Variants in GRID2 observed in about 807,000 individuals in gnomAD.
The protein encoded by GRID2 is glutamate ionotropic receptor delta type subunit 2.
A neutral mutation model predicts 114.8 loss-of-function variants in GRID2; 33 were observed. The observed-to-expected ratio is 0.29, with a 90% CI of 0.22 to 0.38. The LOEUF is 0.38. GRID2 is among the 10% of genes least tolerant of loss of function. The pLI is 1.00. For synonymous variants in GRID2, 505 were observed against 449.9 expected, an observed-to-expected ratio of 1.12 and a Z score of -1.55; for missense variants, 1,184 against 1,257.7, an observed-to-expected ratio of 0.94 and a Z score of 0.89.
chr4:93,120,282 T>C (rs9997546), intron 4 of GRID2, among the ~76,000 whole-genome samples: 82,492 of 151,952 alleles, frequency 0.54, 23,821 homozygotes, highest in African/African-American at 0.72. Flanking sequence ...CCTACTATAA[T>C]GACACATGCA....
At chr4:93,132,821 A>G (rs573627552) in intron 4 of GRID2, among the ~76,000 whole-genome samples, 1 of 152,278 alleles carries the variant, frequency 6.6e-6, no homozygotes, top group Admixed American at 6.5e-5. Flanking sequence ...AAATAGCTCA[A>G]TCAGTACTCA....
intron 2 of GRID2, among the ~76,000 whole-genome samples, chr4:92,834,477 T>C (rs1336168422): frequency 1.3e-5 from 2 of 152,138 alleles, no homozygotes; most frequent in African/African-American, 2.4e-5. Flanking sequence ...AGTCCTTTTA[T>C]GAGATGGAGA....
intron 11 of GRID2, among the ~76,000 whole-genome samples, chr4:93,488,822 C>T (rs546469126): frequency 6.6e-6 from 1 of 152,052 alleles, no homozygotes; most frequent in African/African-American, 2.4e-5. Flanking sequence ...GCCTTTCTTC[C>T]ATGCATGTGC....
At chr4:93,456,881 G>A (rs868463828) in intron 11 of GRID2, among the ~76,000 whole-genome samples, 3 of 151,902 alleles carry the variant, frequency 2.0e-5, no homozygotes, top group Non-Finnish European at 1.5e-5. Flanking sequence ...CATCTGACTT[G>A]CTAACTTCTA....
At chr4:92,609,171 G>A (rs995659601) in intron 2 of GRID2, among the ~76,000 whole-genome samples, 2 of 151,632 alleles carry the variant, frequency 1.3e-5, no homozygotes, top group Admixed American at 6.6e-5. Flanking sequence ...TACATGCTTA[G>A]TGTATCCCCA....
chr4:93,180,098 C>A (rs1739741321), intron 4 of GRID2, among the ~76,000 whole-genome samples: 1 of 152,022 alleles, frequency 6.6e-6, no homozygotes, highest in African/African-American at 2.4e-5. Context: ...ACATACAACC[C>A]TAAAGCCAAA....
chr4:92,441,330 G>T (rs1228801500), intron 1 of GRID2, among the ~76,000 whole-genome samples: 1 of 152,162 alleles, frequency 6.6e-6, no homozygotes, highest in Non-Finnish European at 1.5e-5. Context: ...TGTCTGTGAA[G>T]CTTTGCAGCA....
intron 2 of GRID2, among the ~76,000 whole-genome samples, chr4:92,845,629 C>G (rs373985650): frequency 2.0e-5 from 3 of 152,194 alleles, no homozygotes; most frequent in Non-Finnish European, 2.9e-5. Flanking sequence ...ACACTCCCTA[C>G]GAGTCCAATG....
chr4:93,090,891 C>A (rs543788282), intron 3 of GRID2, among the ~76,000 whole-genome samples: 8 of 152,068 alleles, frequency 5.3e-5, no homozygotes, highest in Admixed American at 4.6e-4. Flanking sequence ...CCTCTGGTAA[C>A]GCCAGGTGTT....
At chr4:93,038,179 T>G (rs1725097908) in intron 2 of GRID2, among the ~76,000 whole-genome samples, 1 of 152,160 alleles carries the variant, frequency 6.6e-6, no homozygotes. Flanking sequence ...TTCACATCCC[T>G]TGTAAGTTGT....
intron 11 of GRID2, among the ~76,000 whole-genome samples, 154 bp downstream of exon 11, chr4:93,456,128 T>C (rs535895257): frequency 6.6e-6 from 1 of 152,306 alleles, no homozygotes; most frequent in South Asian, 2.1e-4. Context: ...TGCTACTTCC[T>C]CCTAGTGGAT....
At chr4:92,521,003 G>A (rs969167962) in intron 1 of GRID2, among the ~76,000 whole-genome samples, 31 of 151,930 alleles carry the variant, frequency 2.0e-4, no homozygotes, top group African/African-American at 6.7e-4. Flanking sequence ...TGAGTTATGA[G>A]CCATTATAAC....
intron 2 of GRID2, among the ~76,000 whole-genome samples, chr4:92,834,216 C>G (rs1441739149): frequency 6.6e-6 from 1 of 152,070 alleles, no homozygotes; most frequent in African/African-American, 2.4e-5. Flanking sequence ...TGAATATCAT[C>G]AATATTTCCT....
chr4:92,462,233 G>A (rs1370357897), intron 1 of GRID2, among the ~76,000 whole-genome samples: 1 of 152,040 alleles, frequency 6.6e-6, no homozygotes, highest in East Asian at 1.9e-4. Flanking sequence ...GTGTGCTTAT[G>A]GCTGATGTCA....
rs567470105 is a variant in GRID2, at chr4:92,609,803, T to C, written c.244+19517T>C. On this transcript the variant is annotated intron_variant, in intron 2 of 15. Transcript: ENST00000282020. ...ACCCTGCCTTGTTTTGAAAATTCAT[T>C]TTTAAATCAAAATTACACATACTAT... 5.3e-5 allele frequency among the ~76,000 whole-genome samples: 8 copies of C among 151,776 alleles called. No individual in the cohort carries two copies. The South Asian group carries it at 1.7e-3, about 31-fold the overall frequency.
At chr4:92,961,468 A>G (rs887273662) in intron 2 of GRID2, among the ~76,000 whole-genome samples, 3 of 150,582 alleles carry the variant, frequency 2.0e-5, no homozygotes, top group Admixed American at 6.6e-5. Context: ...TAGGTTGATG[A>G]TATTTTCCTC....
At chr4:92,800,740 T>G (rs1367895443) in intron 2 of GRID2, among the ~76,000 whole-genome samples, 2 of 151,954 alleles carry the variant, frequency 1.3e-5, no homozygotes, top group East Asian at 3.9e-4. Context: ...ATCATCTGAT[T>G]CTGGTATTTT....
At chr4:93,783,598 A>G (rs574502058) in intron 1 of GRID2, among the ~76,000 whole-genome samples, 1 of 152,324 alleles carries the variant, frequency 6.6e-6, no homozygotes, top group East Asian at 1.9e-4. Flanking sequence ...AGGAGCTTAG[A>G]AAACACAAAC....
At chr4:93,792,331 A>C (rs1561005333) in intron 1 of GRID2, among the ~76,000 whole-genome samples, 1 of 152,074 alleles carries the variant, frequency 6.6e-6, no homozygotes. Flanking sequence ...GGCAACATAC[A>C]CATCTGTACC....
Sources: gnomAD v4.1 joint callset for allele counts (sites outside exome capture counted in the v4.1 genomes callset) on GRCh38, gnomAD v4.1.1 for gene constraint, MANE v1.5 for transcripts, NCBI Gene and HGNC (gene_info 2026-07-23, HGNC 2026-07-21) for gene names.